Variants in FAM107B observed in about 807,000 individuals in gnomAD.
FAM107B encodes family with sequence similarity 107 member B, also known as protein FAM107B.
In FAM107B, 21 loss-of-function variants were observed where a neutral mutation model predicts 31.5. That is an observed-to-expected ratio of 0.67 (90% CI 0.47 to 0.96). The LOEUF (loss-of-function observed/expected upper bound fraction) is 0.96, where lower values mean the gene tolerates loss of function less well. FAM107B is among the 40% of genes least tolerant of loss of function. The pLI is 0.00. For synonymous variants in FAM107B, 157 were observed against 141.5 expected, an observed-to-expected ratio of 1.11 and a Z score of -0.78; for missense variants, 452 against 377.1, an observed-to-expected ratio of 1.20 and a Z score of -1.64.
intron 2 of FAM107B, among the ~76,000 whole-genome samples, chr10:14,583,878 A>T (rs935345750): frequency 2.0e-5 from 3 of 152,146 alleles, no homozygotes; most frequent in African/African-American, 7.2e-5. Flanking sequence ...CTGGGACACA[A>T]TACAAAGTAC....
At chr10:14,654,138 A>C (rs1025458497) in intron 2 of FAM107B, among the ~76,000 whole-genome samples, 3 of 149,750 alleles carry the variant, frequency 2.0e-5, no homozygotes, top group African/African-American at 7.4e-5. Context: ...TTAGGAATGC[A>C]GGCCTGGTTT....
intron 1 of FAM107B, among the ~76,000 whole-genome samples, chr10:14,759,181 A>AAATAAAT (rs1832991281): frequency 1.4e-5 from 2 of 144,814 alleles, no homozygotes; most frequent in African/African-American, 5.2e-5. Flanking sequence ...TCTGTCTCAA[A>AAATAAAT]AAATAAATAA....
chr10:14,713,903 T>C (rs1855719796), intron 1 of FAM107B, among the ~76,000 whole-genome samples: 1 of 152,170 alleles, frequency 6.6e-6, no homozygotes, highest in Non-Finnish European at 1.5e-5. Flanking sequence ...TTGGAGGTCA[T>C]TATTCCAGGT....
At chr10:14,664,845 C>A (rs1307090071) in intron 2 of FAM107B, among the ~76,000 whole-genome samples, 1 of 152,132 alleles carries the variant, frequency 6.6e-6, no homozygotes, top group African/African-American at 2.4e-5. Context: ...TTAGCAGACA[C>A]AACTTACACC....
chr10:14,524,225 T>A (rs1185507019), intron 3 of FAM107B, among the ~76,000 whole-genome samples: 1 of 152,062 alleles, frequency 6.6e-6, no homozygotes, highest in Non-Finnish European at 1.5e-5. Flanking sequence ...GTATTTTTAG[T>A]AGAGACGGGG....
At chr10:14,681,740 G>A (rs1854840996) in intron 1 of FAM107B, among the ~76,000 whole-genome samples, 1 of 152,156 alleles carries the variant, frequency 6.6e-6, no homozygotes, top group African/African-American at 2.4e-5. Context: ...ATGTAAAGAA[G>A]GCTGTGTCCA....
At chr10:14,553,414 C>T in intron 2 of FAM107B, 1 of 1,223,888 alleles carries the variant, frequency 8.2e-7, no homozygotes, top group African/African-American at 1.6e-5. Context: ...TAGTGAAAGT[C>T]AGTTAACAAG....
intron 2 of FAM107B, among the ~76,000 whole-genome samples, chr10:14,592,807 T>C (rs1028856112): frequency 1.1e-4 from 16 of 152,222 alleles, no homozygotes; most frequent in African/African-American, 3.4e-4. Context: ...CCTGGGCAGC[T>C]GACATGCACC....
intron 2 of FAM107B, among the ~76,000 whole-genome samples, chr10:14,587,997 T>G (rs1315222647): frequency 6.6e-6 from 1 of 152,126 alleles, no homozygotes; most frequent in East Asian, 1.9e-4. Context: ...GGATGTATAT[T>G]TAAAAAAGAC....
chr10:14,675,168 A>G (rs74425343), intron 1 of FAM107B, among the ~76,000 whole-genome samples: 2,235 of 152,204 alleles, frequency 0.015, 62 homozygotes, highest in African/African-American at 0.049. Flanking sequence ...GTGTTAAATC[A>G]TGGGGAAACA....
At chr10:14,726,417 C>A (rs1360329143) in intron 1 of FAM107B, among the ~76,000 whole-genome samples, 2 of 152,146 alleles carry the variant, frequency 1.3e-5, no homozygotes, top group Admixed American at 1.3e-4. Context: ...ACAGGTGCAG[C>A]AGGACAGGAT....
chr10:14,580,515 T>C (rs2131303161), intron 2 of FAM107B, among the ~76,000 whole-genome samples: 1 of 151,920 alleles, frequency 6.6e-6, no homozygotes, highest in East Asian at 1.9e-4. Context: ...TATACATTCT[T>C]AGAAAAAAAA....
intron 2 of FAM107B, among the ~76,000 whole-genome samples, chr10:14,574,131 C>A (rs754556709): frequency 6.6e-6 from 1 of 152,206 alleles, no homozygotes; most frequent in Non-Finnish European, 1.5e-5. Context: ...ACAAACACTA[C>A]TGAATATGCA....
chr10:14,598,854 G>C (rs1852272868), intron 2 of FAM107B, among the ~76,000 whole-genome samples: 1 of 152,190 alleles, frequency 6.6e-6, no homozygotes, highest in Non-Finnish European at 1.5e-5. Context: ...CGACCTCACA[G>C]ATGAGAATAC....
intron 1 of FAM107B, among the ~76,000 whole-genome samples, chr10:14,764,122 T>C (rs1438845372): frequency 6.6e-6 from 1 of 152,264 alleles, no homozygotes; most frequent in African/African-American, 2.4e-5. Flanking sequence ...TAACTCTAGG[T>C]GTTCATATAA....
intron 1 of FAM107B, among the ~76,000 whole-genome samples, chr10:14,679,368 C>T (rs60245744): frequency 0.028 from 4,256 of 152,204 alleles, 197 homozygotes; most frequent in African/African-American, 0.095. Flanking sequence ...TGGCCTCAAG[C>T]AATCCTTTTG....
At chr10:14,661,448 G>GA (rs1158228505) in intron 2 of FAM107B, 1 of 152,216 alleles carries the variant, frequency 6.6e-6, no homozygotes, top group Admixed American at 6.5e-5. Context: ...AACAAAAGGG[G>GA]AAAGGGGGAG....
intron 1 of FAM107B, among the ~76,000 whole-genome samples, chr10:14,717,456 C>T (rs762943981): frequency 6.6e-6 from 1 of 152,152 alleles, no homozygotes; most frequent in Non-Finnish European, 1.5e-5. Flanking sequence ...ACCAGGGAAG[C>T]GGACAGTGCA....
chr10:14,692,745 G>C (rs1410076), intron 1 of FAM107B, among the ~76,000 whole-genome samples: 90,253 of 151,994 alleles, frequency 0.59, 26,939 homozygotes, highest in Admixed American at 0.68. Context: ...TGAGGCAGTG[G>C]GCTCTGAGCT....
Sources: gnomAD v4.1 joint callset for allele counts (sites outside exome capture counted in the v4.1 genomes callset) on GRCh38, gnomAD v4.1.1 for gene constraint, MANE v1.5 for transcripts, NCBI Gene and HGNC (gene_info 2026-07-23, HGNC 2026-07-21) for gene names.